AFF3: variants seen among roughly 807,000 people sequenced by gnomAD.
The protein encoded by AFF3 is AF4/FMR2 family member 3.
Under a neutral mutation model 129.7 loss-of-function variants are expected in AFF3, and 32 were observed. The ratio of observed to expected loss-of-function variants is 0.25; its 90% CI spans 0.19 to 0.33. The LOEUF is 0.33. Among genes scored for constraint, AFF3 ranks in the 10% least tolerant of loss-of-function variants. AFF3 has a pLI of 1.00. For synonymous variants in AFF3, 644 were observed against 635.4 expected, an observed-to-expected ratio of 1.01 and a Z score of -0.20; for missense variants, 1,373 against 1,592.0, an observed-to-expected ratio of 0.86 and a Z score of 2.34.
intron 7 of AFF3, among the ~76,000 whole-genome samples, chr2:99,938,228 A>C (rs965165363): frequency 2.0e-5 from 3 of 152,242 alleles, no homozygotes; most frequent in African/African-American, 4.8e-5. Context: ...CCATGTCTTC[A>C]AGGAAAATTT....
rs1205022820 is a variant in AFF3 at position 99,947,641 on chromosome 2, T to TAGACAGACAGAC, written c.873+58990_873+58991insGTCTGTCTGTCT. Among the ~76,000 whole-genome samples the TAGACAGACAGAC allele has an allele frequency of 7.1e-4, 101 of 142,748 alleles. 1 individual carries two copies. The highest frequency in any genetic ancestry group is 3.5e-3 in the Middle Eastern group (1 of 282). The allele number at this position is 142,748 out of a possible 152,430, so 93.6% of individuals were successfully genotyped here. ...ATAGATAGATAGATAGATAGATAGATAGATAGATAGATAGACAGACAGACA... is the reference window on the plus strand; with the variant it reads ...ATAGATAGATAGATAGATAGATAGATAGACAGACAGACAGATAGATAGATAGACAGACAGACA... On this transcript the variant is annotated intron_variant, in intron 7 of 24. Transcript: ENST00000672756.
chr2:99,583,020 A>C, intron 16 of AFF3, 21 bp from the exon 17 acceptor site: 1 of 1,608,042 alleles, frequency 6.2e-7, no homozygotes, highest in East Asian at 2.2e-5. Context: ...AAATTACGGT[A>C]ATGGAATGTT....
intron 8 of AFF3, among the ~76,000 whole-genome samples, chr2:99,794,468 G>T (rs1446096496): frequency 6.6e-6 from 1 of 152,064 alleles, no homozygotes; most frequent in Non-Finnish European, 1.5e-5. Flanking sequence ...AGGCTTGTGA[G>T]AATTTAAATG....
At chr2:99,857,837 C>G (rs1414780307) in intron 7 of AFF3, among the ~76,000 whole-genome samples, 1 of 152,158 alleles carries the variant, frequency 6.6e-6, no homozygotes, top group Non-Finnish European at 1.5e-5. Context: ...ACCTTAAACC[C>G]ATGGAATTCA....
intron 13 of AFF3, among the ~76,000 whole-genome samples, chr2:99,643,055 A>T (rs1484030508): frequency 1.7e-4 from 17 of 100,840 alleles, no homozygotes; most frequent in South Asian, 3.4e-4. Flanking sequence ...TACTTAAAAG[A>T]TTTTTTTTTT....
At chr2:99,921,568 A>T (rs1695860114) in intron 7 of AFF3, among the ~76,000 whole-genome samples, 6 of 152,172 alleles carry the variant, frequency 3.9e-5, no homozygotes, top group Admixed American at 3.9e-4. Context: ...AGCTGAAGGA[A>T]GTGTACGTAG....
intron 4 of AFF3, among the ~76,000 whole-genome samples, chr2:100,018,208 T>G (rs1683297093): frequency 6.6e-6 from 1 of 152,150 alleles, no homozygotes; most frequent in Non-Finnish European, 1.5e-5. Flanking sequence ...TTTACCGATT[T>G]TTTAGTGTGA....
At chr2:99,774,812 C>T (rs1443852260) in intron 8 of AFF3, among the ~76,000 whole-genome samples, 1 of 152,122 alleles carries the variant, frequency 6.6e-6, no homozygotes, top group African/African-American at 2.4e-5. Context: ...AGACAACCTA[C>T]AGAATGGGAG....
At chr2:99,591,273 G>A (rs1301984561) in intron 15 of AFF3, among the ~76,000 whole-genome samples, 2 of 151,882 alleles carry the variant, frequency 1.3e-5, no homozygotes, top group African/African-American at 4.8e-5. Context: ...TGCAACCTCC[G>A]CCTCCCAGGT....
intron 4 of AFF3, among the ~76,000 whole-genome samples, chr2:100,018,591 A>G (rs897151160): frequency 1.3e-5 from 2 of 152,162 alleles, no homozygotes; most frequent in African/African-American, 4.8e-5. Context: ...GAGTCTTTCT[A>G]TATAGTATAA....
At chr2:99,798,030 AAATAT>A (rs1685674276) in intron 8 of AFF3, among the ~76,000 whole-genome samples, 1 of 152,110 alleles carries the variant, frequency 6.6e-6, no homozygotes, top group Admixed American at 6.5e-5. Context: ...AATATGTTTA[AAATAT>A]AATTGATTAG....
intron 7 of AFF3, among the ~76,000 whole-genome samples, chr2:99,884,954 A>C (rs1056595975): frequency 2.0e-5 from 3 of 152,074 alleles, no homozygotes; most frequent in Non-Finnish European, 4.4e-5. Flanking sequence ...TTAAGCCAGA[A>C]ATGTCTCCCA....
At chr2:99,701,008 GAAAGGGACAGTGTGGCCCT>G (rs1676801213) in intron 11 of AFF3, among the ~76,000 whole-genome samples, 1 of 152,174 alleles carries the variant, frequency 6.6e-6, no homozygotes, top group South Asian at 2.1e-4. Context: ...CACTCATACT[GAAAGGGACAGTGTGGCCCT>G]GACTGACAGC....
intron 7 of AFF3, among the ~76,000 whole-genome samples, chr2:99,968,792 T>C (rs1678047546): frequency 1.3e-5 from 2 of 152,334 alleles, no homozygotes; most frequent in East Asian, 1.9e-4. Context: ...AGAAGGTGCA[T>C]TGGCAACCTT....
chr2:99,578,746 C>T (rs1195697511), intron 17 of AFF3, among the ~76,000 whole-genome samples: 1 of 152,232 alleles, frequency 6.6e-6, no homozygotes, highest in Non-Finnish European at 1.5e-5. Context: ...GTTGCCCACA[C>T]TCAGTGACTG....
chr2:100,114,910 C>A (rs1322289776), intron 2 of AFF3, among the ~76,000 whole-genome samples: 1 of 152,202 alleles, frequency 6.6e-6, no homozygotes, highest in Non-Finnish European at 1.5e-5. Context: ...TCAAGCCATG[C>A]ACAGCAGTAA....
chr2:99,891,571 G>A (rs892069167), intron 7 of AFF3, among the ~76,000 whole-genome samples: 24 of 152,214 alleles, frequency 1.6e-4, no homozygotes, highest in Admixed American at 2.0e-4. Flanking sequence ...CTGCAGGTGC[G>A]GGCAGGCGGG....
intron 7 of AFF3, among the ~76,000 whole-genome samples, chr2:99,921,499 G>C (rs1238466617): frequency 6.6e-6 from 1 of 152,068 alleles, no homozygotes; most frequent in African/African-American, 2.4e-5. Context: ...CTACTGTAAT[G>C]TTCATTTCTT....
intron 12 of AFF3, among the ~76,000 whole-genome samples, chr2:99,663,245 C>G (rs1686400081): frequency 1.3e-5 from 2 of 152,166 alleles, no homozygotes; most frequent in Non-Finnish European, 2.9e-5. Flanking sequence ...ACACCCAAAA[C>G]TGATGTGAGT....
Sources: gnomAD v4.1 joint callset for allele counts (sites outside exome capture counted in the v4.1 genomes callset) on GRCh38, gnomAD v4.1.1 for gene constraint, MANE v1.5 for transcripts, NCBI Gene and HGNC (gene_info 2026-07-23, HGNC 2026-07-21) for gene names.